The following LUZP2 variants were observed in gnomAD, a reference collection of about 807,000 sequenced individuals.
The protein encoded by LUZP2 is leucine zipper protein 2.
In LUZP2, 52 loss-of-function variants were observed where a neutral mutation model predicts 51.6. The ratio of observed to expected loss-of-function variants is 1.01; its 90% CI spans 0.81 to 1.27. LUZP2 has a LOEUF of 1.27. LUZP2 is among the 50% of genes most tolerant of loss of function. LUZP2 has a pLI of 0.00. For missense variants in LUZP2, 436 were observed against 395.4 expected (o/e 1.10, Z -0.87); for synonymous variants, 154 against 137.3 (o/e 1.12, Z -0.85).
At chr11:25,024,004 T>A (rs914062212) in intron 9 of LUZP2, among the ~76,000 whole-genome samples, 3 of 152,154 alleles carry the variant, frequency 2.0e-5, no homozygotes, top group African/African-American at 7.2e-5. Flanking sequence ...AGAGACAGTT[T>A]GTTATAATTT....
intron 4 of LUZP2, chr11:24,762,919 A>AT (rs1301609003): frequency 3.0e-5 from 26 of 869,818 alleles, no homozygotes; most frequent in Non-Finnish European, 3.3e-5. Flanking sequence ...TCTAGAATCT[A>AT]TTTTTTCTTT....
intron 5 of LUZP2, among the ~76,000 whole-genome samples, chr11:24,851,951 G>T (rs1409809801): frequency 6.6e-6 from 1 of 152,112 alleles, no homozygotes; most frequent in Non-Finnish European, 1.5e-5. Flanking sequence ...ATTTCTGTGG[G>T]ATCAGTGGTG....
rs1003960197 is a variant in LUZP2, at chr11:24,606,233, T to C, written c.62+108928T>C. ...GGTTCAACTTACAATTTTTGGACTT[T>C]ATGATACTGCAAAAGCAATGCACAT... is the stretch of plus-strand genomic sequence containing the variant. On this transcript the variant is annotated intron_variant, in intron 1 of 11. Coordinates refer to ENST00000336930, the MANE Select transcript of LUZP2 (RefSeq NM_001009909.4). Among the ~76,000 whole-genome samples the C allele has an allele frequency of 2.4e-4, 37 of 151,954 alleles. 1 individual carries two copies. Among genetic ancestry groups the C allele is most frequent in the African/African-American group, 8.2e-4 (34 of 41,436 alleles).
intron 1 of LUZP2, among the ~76,000 whole-genome samples, chr11:24,515,245 G>A (rs929391241): frequency 5.3e-5 from 8 of 152,126 alleles, no homozygotes; most frequent in African/African-American, 1.7e-4. Context: ...TGTGAGGTAA[G>A]AGGAGAGAAG....
At chr11:24,875,789 G>T (rs1390070401) in intron 5 of LUZP2, among the ~76,000 whole-genome samples, 1 of 152,166 alleles carries the variant, frequency 6.6e-6, no homozygotes, top group Non-Finnish European at 1.5e-5. Flanking sequence ...TCTCATGATT[G>T]CCATTTTAAC....
intron 5 of LUZP2, among the ~76,000 whole-genome samples, chr11:24,814,620 C>T (rs77301663): frequency 0.04 from 6,020 of 152,190 alleles, 357 homozygotes; most frequent in African/African-American, 0.13. Flanking sequence ...TTCCAGATGA[C>T]TTATGGTAGT....
chr11:24,583,797 G>A (rs149649524), intron 1 of LUZP2, among the ~76,000 whole-genome samples: 245 of 150,736 alleles, frequency 1.6e-3, no homozygotes, highest in Middle Eastern at 0.01. Context: ...TCTGCCTTCC[G>A]GGTTCACACC....
intron 4 of LUZP2, among the ~76,000 whole-genome samples, chr11:24,745,820 G>A (rs889448479): frequency 2.6e-5 from 4 of 152,114 alleles, no homozygotes; most frequent in Non-Finnish European, 5.9e-5. Flanking sequence ...TAGGATTACA[G>A]GCACAAGTCA....
chr11:25,081,298 AAAT>A lies in LUZP2; in HGVS notation c.*2641_*2643del, dbSNP rs1859453395. The A allele has an allele frequency of 6.6e-6, 1 of 152,002 alleles. No homozygotes were observed. The allele number at this position is 152,002 out of a possible 1,614,324, so 9.4% of individuals were successfully genotyped here. A position where few individuals can be genotyped will look rare whatever the true frequency, so the allele number is the denominator to read the frequency against. On this transcript the variant is annotated 3_prime_UTR_variant, in exon 12 of 12. Transcript: ENST00000336930. ...ATCCACCTGCCTCAGTCTCCTCCCA[AAAT>A]GCTGGGATTACAGGTGTGAGCCACC...
chr11:24,718,561 G>C (rs1305892470), intron 1 of LUZP2, among the ~76,000 whole-genome samples: 4 of 142,446 alleles, frequency 2.8e-5, no homozygotes, highest in Non-Finnish European at 6.3e-5. Flanking sequence ...AAGGTTTGGG[G>C]AATTTCTTAA....
At chr11:24,995,915 G>C (rs1274274172) in intron 9 of LUZP2, among the ~76,000 whole-genome samples, 1 of 151,652 alleles carries the variant, frequency 6.6e-6, no homozygotes, top group Non-Finnish European at 1.5e-5. Flanking sequence ...AGTGCTACAT[G>C]ACCCAATCTT....
Position 24,879,168 on chromosome 11 carries a change from TCTC to T in LUZP2, c.397-26820_397-26818del, listed in dbSNP as rs1852372796. Reference sequence around the variant, plus strand: ...ACTGTGTTAGCCAGGATGGTCTTGATCTCCTGACCTCGTGATCCACCCGCCTAG... The same window carrying T: ...ACTGTGTTAGCCAGGATGGTCTTGATCTGACCTCGTGATCCACCCGCCTAG... On this transcript the variant is annotated intron_variant, in intron 5 of 11. Transcript: ENST00000336930. 3.3e-5 allele frequency among the ~76,000 whole-genome samples: 5 copies of T among 151,926 alleles called. 1 individual carries two copies. The South Asian group carries it at 1.0e-3, about 32-fold the overall frequency.
intron 5 of LUZP2, among the ~76,000 whole-genome samples, chr11:24,795,922 A>G (rs1406136569): frequency 6.6e-6 from 1 of 152,106 alleles, no homozygotes; most frequent in Non-Finnish European, 1.5e-5. Flanking sequence ...AGTGACTGCA[A>G]GTGGTTATGA....
intron 5 of LUZP2, among the ~76,000 whole-genome samples, chr11:24,889,203 T>A (rs1852769053): frequency 1.3e-5 from 2 of 152,214 alleles, no homozygotes; most frequent in African/African-American, 4.8e-5. Flanking sequence ...TCTTCCTTGC[T>A]GTTCTTAACC....
At chr11:24,686,085 C>G (rs1375385464) in intron 1 of LUZP2, among the ~76,000 whole-genome samples, 1 of 152,112 alleles carries the variant, frequency 6.6e-6, no homozygotes, top group Non-Finnish European at 1.5e-5. Context: ...GTAAGCCAAA[C>G]ATGCTGGCAA....
At chr11:24,742,400 G>T (rs191410953) in intron 4 of LUZP2, among the ~76,000 whole-genome samples, 1 of 152,142 alleles carries the variant, frequency 6.6e-6, no homozygotes, top group East Asian at 1.9e-4. Flanking sequence ...CATTCTTGCA[G>T]GAGTAAGGTG....
intron 1 of LUZP2, among the ~76,000 whole-genome samples, chr11:24,700,653 G>GT (rs965354565): frequency 1.3e-4 from 20 of 151,834 alleles, no homozygotes; most frequent in Admixed American, 2.6e-4. Context: ...CCGTAATTTT[G>GT]TTTTTTGTGA....
At chr11:25,063,275 T>A (rs1858901763) in intron 10 of LUZP2, among the ~76,000 whole-genome samples, 1 of 151,620 alleles carries the variant, frequency 6.6e-6, no homozygotes, top group Non-Finnish European at 1.5e-5. Flanking sequence ...AACATCATTT[T>A]ATTTAAGGGA....
At chr11:24,589,671 C>T (rs1331002172) in intron 1 of LUZP2, among the ~76,000 whole-genome samples, 1 of 152,024 alleles carries the variant, frequency 6.6e-6, no homozygotes, top group Non-Finnish European at 1.5e-5. Context: ...TTCTTCAAAC[C>T]ATGTGCAGTA....
Sources: allele counts gnomAD v4.1 joint callset (sites outside exome capture counted in the v4.1 genomes callset), GRCh38; gene constraint gnomAD v4.1.1; transcripts MANE v1.5; gene names NCBI Gene and HGNC (gene_info 2026-07-23, HGNC 2026-07-21).